UNC13B: variants seen among roughly 807,000 people sequenced by gnomAD.
The protein encoded by UNC13B is protein unc-13 homolog B.
Under a neutral mutation model 211.0 loss-of-function variants are expected in UNC13B, and 144 were observed. The observed-to-expected ratio is 0.68, with a 90% CI of 0.60 to 0.78. UNC13B has a LOEUF of 0.78. Ranked by LOEUF, UNC13B falls within the 30% of genes least tolerant of loss-of-function variation. The pLI, the probability that UNC13B is intolerant of heterozygous loss-of-function variation, is 0.00. For synonymous variants in UNC13B, 709 were observed against 725.8 expected (o/e 0.98, Z 0.37); for missense variants, 1,777 against 2,002.0 (o/e 0.89, Z 2.14).
intron 1 of UNC13B, among the ~76,000 whole-genome samples, chr9:35,218,113 A>G (rs1051089173): frequency 6.6e-6 from 1 of 152,046 alleles, no homozygotes; most frequent in Admixed American, 6.6e-5. Flanking sequence ...TTTCTATTAT[A>G]TATTGTGAGA....
Position 35,378,568 on chromosome 9 carries a change from G to A in UNC13B, c.10205+132G>A, listed in dbSNP as rs114947352. 2.2e-4 allele frequency: 261 copies of A among 1,185,586 alleles called. No individual in the cohort carries two copies. The African/African-American group carries it at 2.5e-3, about 11-fold the overall frequency. The allele number at this position is 1,185,586 out of a possible 1,614,324, so 73.4% of individuals were successfully genotyped here. ...AGAAAACTCATTTCTCGCATGCTTC[G>A]TTCAGACATCAGCCATTCTTTCTCT... is the stretch of plus-strand genomic sequence containing the variant. On this transcript the variant is annotated intron_variant, in intron 17 of 39. Coordinates refer to ENST00000635942, the MANE Select transcript of UNC13B (RefSeq NM_001371189.2).
Position 35,376,167 on chromosome 9 carries a change from G to A in UNC13B, c.9755G>A (p.Arg3252Gln), listed in dbSNP as rs777050093. ...GAAGGCCTGCTCTGGGGCATTGCCC[G>A]GCAGGGCATGCGCTGCAGCGAATGT... ...ECEGLLWGIARQGMRCSECGV... is the reference protein window; with the variant it reads ...ECEGLLWGIAQQGMRCSECGV... The change falls in exon 15 of 40, where the codon CGG becomes CAG. Residue 3252 changes from arginine (R) to glutamine (Q), a missense_variant. Transcript: ENST00000635942. The A allele has an allele frequency of 6.4e-5, 104 of 1,614,028 alleles. No individual in the cohort carries two copies. In the South Asian group the frequency reaches 6.8e-4, roughly 11 times the overall value.
intron 7 of UNC13B, among the ~76,000 whole-genome samples, chr9:35,260,746 CA>C (rs1827227771): frequency 1.3e-5 from 2 of 152,048 alleles, no homozygotes; most frequent in Admixed American, 1.3e-4. Flanking sequence ...AATCTGAATC[CA>C]AAACCAGGTT....
chr9:35,183,538 A>T (rs1822113297), intron 1 of UNC13B, among the ~76,000 whole-genome samples: 3 of 133,896 alleles, frequency 2.2e-5, no homozygotes, highest in Admixed American at 7.3e-5. Flanking sequence ...AACCTCCCAG[A>T]TGAAGGGCGG....
chr9:35,375,087 T>C, intron 13 of UNC13B, 40 bp from the exon 14 acceptor site: 1 of 1,612,172 alleles, frequency 6.2e-7, no homozygotes, highest in Non-Finnish European at 8.5e-7. Context: ...TTGCCAGCCC[T>C]TGGCAGTGGT....
chr9:35,238,722 A>C (rs2131539580), intron 5 of UNC13B, among the ~76,000 whole-genome samples: 1 of 151,902 alleles, frequency 6.6e-6, no homozygotes, highest in African/African-American at 2.4e-5. Context: ...CACCTGGCTA[A>C]TTTTTTGTAA....
chr9:35,263,342 TAAA>T (rs11305136), intron 7 of UNC13B, among the ~76,000 whole-genome samples: 1 of 147,086 alleles, frequency 6.8e-6, no homozygotes. Context: ...TGGAACTTGG[TAAA>T]AAAAAAAAAA....
intron 11 of UNC13B, among the ~76,000 whole-genome samples, chr9:35,330,312 C>G (rs1831296379): frequency 6.6e-6 from 1 of 152,212 alleles, no homozygotes; most frequent in Non-Finnish European, 1.5e-5. Flanking sequence ...TAGCCTAGAC[C>G]TGAGGCAACT....
Position 35,303,794 on chromosome 9 carries a change from G to A in UNC13B, c.4390G>A (p.Ala1464Thr), listed in dbSNP as rs1829797524. Residue 1464 changes from alanine (A) to threonine (T), a missense_variant, in exon 9 of 40, where the codon GCT (alanine) becomes ACT (threonine). Ala to Thr is a moderately conservative substitution (Grantham distance 58, BLOSUM62 0). Coordinates refer to ENST00000635942, the MANE Select transcript of UNC13B (RefSeq NM_001371189.2). ...GNSGPLPINE[A>T]NNSLEELPID... The stretch of plus-strand genomic sequence containing the variant: ...CTCTGGTCCTCTTCCAATTAATGAG[G>A]CTAATAATTCACTAGAAGAATTACC... 2.5e-6 allele frequency: 1 copy of A among 398,566 alleles called. No individual in the cohort carries two copies. Among genetic ancestry groups the A allele is most frequent in the Admixed American group, 4.4e-5 (1 of 22,696 alleles). The allele number at this position is 398,566 out of a possible 1,614,324, so 24.7% of individuals were successfully genotyped here. A position where few individuals can be genotyped will look rare whatever the true frequency, so the allele number is the denominator to read the frequency against.
intron 8 of UNC13B, among the ~76,000 whole-genome samples, chr9:35,297,375 G>A (rs1031852325): frequency 6.6e-6 from 1 of 151,844 alleles, no homozygotes; most frequent in Admixed American, 6.6e-5. Context: ...GTGAGCCACC[G>A]TGCCTGGCCT....
At chr9:35,356,241 A>T (rs1587687383) in intron 11 of UNC13B, among the ~76,000 whole-genome samples, 2 of 152,290 alleles carry the variant, frequency 1.3e-5, no homozygotes, top group East Asian at 3.9e-4. Flanking sequence ...TAACCTAGTA[A>T]ACTGATTCAG....
At position 35,214,352 on chromosome 9, in the gene UNC13B, T is replaced by TG. The variant is rs1824136728; in HGVS notation, c.23-13661dup. 2.6e-5 allele frequency among the ~76,000 whole-genome samples: 4 copies of TG among 152,010 alleles called. No individual in the cohort carries two copies. In the South Asian group the frequency reaches 8.3e-4, roughly 31 times the overall value. ...TGAGGCAGGAGAATCACTTGAACCC[T>TG]GGAGGCAGAGGTTGCAGTGAGTGGA... is the stretch of plus-strand genomic sequence containing the variant. On this transcript the variant is annotated intron_variant, in intron 1 of 39. Coordinates refer to ENST00000635942, the MANE Select transcript of UNC13B (RefSeq NM_001371189.2).
intron 37 of UNC13B, chr9:35,401,954 A>G (rs577043554): frequency 1.9e-6 from 3 of 1,550,680 alleles, no homozygotes; most frequent in South Asian, 1.2e-5. Context: ...CATTCAGTGC[A>G]TGATGGGAAA....
chr9:35,170,161 T>A lies in UNC13B; in HGVS notation c.22+7856T>A, dbSNP rs1157999072. Among the ~76,000 whole-genome samples, 4 of 152,232 alleles carry A rather than the reference T, an allele frequency of 2.6e-5. No homozygotes were observed. In the East Asian group the frequency reaches 7.7e-4, roughly 29 times the overall value. On this transcript the variant is annotated intron_variant, in intron 1 of 39. Coordinates refer to ENST00000635942, the MANE Select transcript of UNC13B (RefSeq NM_001371189.2). ...TTTATTTTCACATTGTTATTATTACTGTTTTTTTTTTGTTTTGTTTTTGAG... is the reference window on the plus strand; with the variant it reads ...TTTATTTTCACATTGTTATTATTACAGTTTTTTTTTTGTTTTGTTTTTGAG...
chr9:35,254,946 A>G (rs1389530415), intron 6 of UNC13B, among the ~76,000 whole-genome samples: 1 of 121,124 alleles, frequency 8.3e-6, no homozygotes, highest in African/African-American at 3.3e-5. Context: ...ATATTAATAT[A>G]TGTATATAAT....
chr9:35,388,739 G>A (rs969358511), intron 24 of UNC13B, among the ~76,000 whole-genome samples: 1 of 152,236 alleles, frequency 6.6e-6, no homozygotes, highest in African/African-American at 2.4e-5. Context: ...AAGGTATGAG[G>A]TTGAGAGTCA....
chr9:35,327,965 A>G (rs887988031), intron 11 of UNC13B, among the ~76,000 whole-genome samples: 1 of 152,204 alleles, frequency 6.6e-6, no homozygotes, highest in African/African-American at 2.4e-5. Context: ...AGTAGATGAC[A>G]ACAGTGATTT....
At chr9:35,318,394 C>A (rs531098092) in intron 11 of UNC13B, among the ~76,000 whole-genome samples, 1 of 152,122 alleles carries the variant, frequency 6.6e-6, no homozygotes, top group Non-Finnish European at 1.5e-5. Context: ...TGCCCCGCTG[C>A]CGCCCCGCCA....
rs184131389 is a variant in UNC13B, at chr9:35,199,449, A to G, written c.23-28566A>G. Among the ~76,000 whole-genome samples the G allele has an allele frequency of 4.8e-3, 734 of 152,282 alleles. 4 individuals carry two copies. Among genetic ancestry groups the G allele is most frequent in the East Asian group, 0.021 (109 of 5,186 alleles). On this transcript the variant is annotated intron_variant, in intron 1 of 39. Coordinates refer to ENST00000635942, the MANE Select transcript of UNC13B (RefSeq NM_001371189.2). ...TTCCACAATGGTTGAACTAGTTTACAGTCCCACCAACAGTGTAAAAGCATT... is the reference window on the plus strand; with the variant it reads ...TTCCACAATGGTTGAACTAGTTTACGGTCCCACCAACAGTGTAAAAGCATT...
Sources: gnomAD v4.1 joint callset for allele counts (sites outside exome capture counted in the v4.1 genomes callset) on GRCh38, gnomAD v4.1.1 for gene constraint, MANE v1.5 for transcripts, NCBI Gene and HGNC (gene_info 2026-07-23, HGNC 2026-07-21) for gene names.